CGN: variants seen among roughly 807,000 people sequenced by gnomAD.
CGN encodes cingulin.
In CGN, 121 loss-of-function variants were observed where a neutral mutation model predicts 157.1. The observed-to-expected ratio is 0.77, with a 90% CI of 0.66 to 0.90. The LOEUF (loss-of-function observed/expected upper bound fraction) is 0.90, where lower values mean the gene tolerates loss of function less well. Ranked by LOEUF, CGN falls within the 40% of genes least tolerant of loss-of-function variation. CGN has a pLI of 0.00. For missense variants in CGN, 1,424 were observed against 1,520.9 expected, an observed-to-expected ratio of 0.94 and a Z score of 1.06; for synonymous variants, 535 against 607.5, an observed-to-expected ratio of 0.88 and a Z score of 1.76.
In CGN at chr1:151,511,920, G is replaced by T. The variant is rs1425127369; in HGVS notation, c.-15+405G>T. On this transcript the variant is annotated intron_variant, in intron 1 of 20. Coordinates refer to ENST00000271636, the MANE Select transcript of CGN (RefSeq NM_020770.3). This position sits in a 1 kb window ranked among gnomAD's most constrained non-coding sequence, Gnocchi z 4.8. ...CCTGAGGTGCAGACTCGCCAGGGGAGGGCATCTGCAGGTGCTGCTCGCCTG... is the reference window on the plus strand; with the variant it reads ...CCTGAGGTGCAGACTCGCCAGGGGATGGCATCTGCAGGTGCTGCTCGCCTG... Among the ~76,000 whole-genome samples the T allele has an allele frequency of 3.9e-5, 6 of 152,178 alleles. No individual in the cohort carries two copies.
At position 151,532,440 on chromosome 1, in the gene CGN, G is replaced by C; in HGVS notation, c.2610G>C (p.Gln870His). The C allele has an allele frequency of 1.9e-6, 3 of 1,594,742 alleles. No individual in the cohort carries two copies. Among genetic ancestry groups the C allele is most frequent in the Non-Finnish European group, 2.6e-6 (3 of 1,173,696 alleles). The change falls in exon 14 of 21, where the codon CAG becomes CAC. Residue 870 changes from glutamine (Q) to histidine (H), a missense_variant. Physicochemically the swap from Gln to His is conservative, Grantham distance 24. Transcript: ENST00000271636. ...KIGEDSKQAL[Q>H]QLQAQLEDYK... The stretch of plus-strand genomic sequence containing the variant: ...GGGAGGACTCTAAGCAAGCCCTGCA[G>C]CAGCTCCAGGCCCAGCTGGAGGATT...
intron 9 of CGN, 116 bp from the exon 10 acceptor site, chr1:151,526,859 T>G (rs1664692397): frequency 1.8e-6 from 2 of 1,114,484 alleles, no homozygotes; most frequent in Middle Eastern, 2.5e-4. Flanking sequence ...CTCTTGAGAG[T>G]TGGTGCCCAG....
At chr1:151,527,946 ATATATTT>A in intron 10 of CGN, 2 of 128,814 alleles carry the variant, frequency 1.6e-5, no homozygotes, top group South Asian at 2.5e-4. Context: ...ATATATATAT[ATATATTT>A]TTTTTTTTTT....
At chr1:151,530,460 C>T (rs1664807516) in intron 12 of CGN, 29 bp from the exon 13 acceptor site, 23 of 1,519,568 alleles carry the variant, frequency 1.5e-5, no homozygotes, top group Non-Finnish European at 1.9e-5. Flanking sequence ...TACCTTTTCT[C>T]AGTCCAACCC....
chr1:151,517,680 T>G (rs1664444575), intron 1 of CGN, among the ~76,000 whole-genome samples: 1 of 151,820 alleles, frequency 6.6e-6, no homozygotes, highest in Non-Finnish European at 1.5e-5. Context: ...CTAGCTAAGT[T>G]TTTGTATTAT....
chr1:151,528,006 A>AATGCAGTG (rs1664733445), intron 10 of CGN: 1 of 150,726 alleles, frequency 6.6e-6, no homozygotes, highest in Admixed American at 9.0e-5. Flanking sequence ...CCCAGGGTGG[A>AATGCAGTG]ATGCAGTGGC....
rs1239426138 is a variant in CGN at position 151,518,899 on chromosome 1, A to C, written c.380A>C (p.Tyr127Ser). The C allele has an allele frequency of 2.6e-5, 42 of 1,614,062 alleles. No homozygotes were observed. Among genetic ancestry groups the C allele is most frequent in the Non-Finnish European group, 3.6e-5 (42 of 1,179,982 alleles). ...ACATCTGATGAGGAGCCTGGGGCCT[A>C]CTGGAATGGAAAGCTACTCCGTTCC... ...SSTSDEEPGA[Y>S]WNGKLLRSHS... Residue 127 changes from tyrosine (Y) to serine (S), a missense_variant, in exon 2 of 21, where the codon TAC becomes TCC. Physicochemically the swap from Tyr to Ser is moderately radical, Grantham distance 144. Coordinates refer to ENST00000271636, the MANE Select transcript of CGN (RefSeq NM_020770.3).
intron 12 of CGN, 134 bp downstream of exon 12, chr1:151,530,249 T>C (rs1664803532): frequency 3.8e-6 from 4 of 1,057,100 alleles, no homozygotes; most frequent in Non-Finnish European, 4.1e-6. Context: ...TCTGTTAACC[T>C]TGGGTTTATT....
intron 1 of CGN, among the ~76,000 whole-genome samples, chr1:151,517,044 G>A (rs1023022362): frequency 9.9e-5 from 15 of 151,822 alleles, no homozygotes; most frequent in Admixed American, 9.8e-4. Context: ...TGTAATCCCA[G>A]CTACTCGGGA....
chr1:151,520,118 ATTTCTTTC>A (rs529199632), intron 2 of CGN, 40 bp from the exon 3 acceptor site: 3 of 1,423,600 alleles, frequency 2.1e-6, no homozygotes, highest in East Asian at 2.4e-5. Flanking sequence ...TAATCTTCCT[ATTTCTTTC>A]TTTCTTTCTT....
In CGN at chr1:151,518,821, C is replaced by T. The variant is rs764767311; in HGVS notation, c.302C>T (p.Pro101Leu). ...SGALSSDLELPENPYSQVKGF... is the reference protein window; with the variant it reads ...SGALSSDLELLENPYSQVKGF... Reference sequence around the variant, plus strand: ...GCTCTGAGCTCAGATTTGGAACTCCCTGAGAACCCCTACTCTCAGGTCAAG... The same window carrying T: ...GCTCTGAGCTCAGATTTGGAACTCCTTGAGAACCCCTACTCTCAGGTCAAG... The change falls in exon 2 of 21, where the codon CCT becomes CTT. Residue 101 changes from proline (P) to leucine (L), a missense_variant. Coordinates refer to ENST00000271636, the MANE Select transcript of CGN (RefSeq NM_020770.3). The T allele has an allele frequency of 1.9e-6, 3 of 1,614,014 alleles. No homozygotes were observed. Among genetic ancestry groups the T allele is most frequent in the Non-Finnish European group, 1.7e-6 (2 of 1,179,942 alleles).
At chr1:151,519,840 ATTAT>A (rs972476777) in intron 2 of CGN, among the ~76,000 whole-genome samples, 1 of 152,244 alleles carries the variant, frequency 6.6e-6, no homozygotes, top group Non-Finnish European at 1.5e-5. Context: ...TTAAAAGTAA[ATTAT>A]TTATAAACTC....
chr1:151,517,746 A>G (rs1238089143), intron 1 of CGN, among the ~76,000 whole-genome samples: 4 of 152,234 alleles, frequency 2.6e-5, no homozygotes, highest in Non-Finnish European at 4.4e-5. Context: ...TCCTGACCTC[A>G]GGTGATCCAC....
At chr1:151,527,251 T>C in intron 10 of CGN, 144 bp downstream of exon 10, 1 of 856,424 alleles carries the variant, frequency 1.2e-6, no homozygotes, top group Non-Finnish European at 1.9e-6. Context: ...TTGATCTCTT[T>C]CCAGCACAGC....
chr1:151,525,745 G>A lies in CGN; in HGVS notation c.1718G>A (p.Ser573Asn), dbSNP rs769255175. 3 of 1,610,214 alleles carry A rather than the reference G, an allele frequency of 1.9e-6. No individual in the cohort carries two copies. The highest frequency in any genetic ancestry group is 1.7e-6 in the Non-Finnish European group (2 of 1,178,020). Residue 573 changes from serine (S) to asparagine (N), a missense_variant, in exon 9 of 21, where the codon AGT (serine) becomes AAT (asparagine). Physicochemically the swap from Ser to Asn is conservative, Grantham distance 46. This residue lies in a region of CGN where 1,187 missense variants were observed against 1,217.6 expected (regional missense o/e 0.97). Transcript: ENST00000271636. ...TCAGAGGAGACAGGGCATTGGCAGA[G>A]TATGTTCCAGAAGAACAAGGAGGAT... is the stretch of plus-strand genomic sequence containing the variant. Reference protein sequence around the residue: ...ETSEETGHWQSMFQKNKEDLR... With the variant: ...ETSEETGHWQNMFQKNKEDLR...
At position 151,535,672 on chromosome 1, in the gene CGN, T is replaced by C. The variant is rs562479310; in HGVS notation, c.3067T>C (p.Leu1023=). Reference sequence around the variant, plus strand: ...GGACCTGGAGTGTGACAAAATCTCCTTGGAGAGACAGGTGATGGGGGAGGG... The same window carrying C: ...GGACCTGGAGTGTGACAAAATCTCCCTGGAGAGACAGGTGATGGGGGAGGG... ...RQDLECDKIS[L]ERQNKDLKTR... Residue 1023 remains leucine (L), a synonymous_variant, in exon 17 of 21, where the codon TTG becomes CTG. Transcript: ENST00000271636. 39 of 1,613,928 alleles carry C rather than the reference T, an allele frequency of 2.4e-5. No homozygotes were observed. The East Asian group carries it at 6.9e-4, about 29-fold the overall frequency.
chr1:151,537,093 G>C (rs79069572), intron 20 of CGN, 112 bp from the exon 21 acceptor site: 1 of 1,329,036 alleles, frequency 7.5e-7, no homozygotes, highest in Non-Finnish European at 1.0e-6. Flanking sequence ...TGGGGATTTT[G>C]TGAATAAACT....
chr1:151,518,094 G>C (rs981473643), intron 1 of CGN, among the ~76,000 whole-genome samples: 1 of 152,136 alleles, frequency 6.6e-6, no homozygotes, highest in Non-Finnish European at 1.5e-5. Context: ...CAGTCCACCC[G>C]CCTTGGCCTT....
intron 19 of CGN, 26 bp from the exon 20 acceptor site, chr1:151,536,704 A>T: frequency 6.2e-7 from 1 of 1,612,498 alleles, no homozygotes; most frequent in Admixed American, 1.7e-5. Context: ...TGCTATTCAG[A>T]TGTGTGGACT....
Sources: gnomAD v4.1 joint callset for allele counts (sites outside exome capture counted in the v4.1 genomes callset) on GRCh38, gnomAD v4.1.1 for gene constraint, gnomAD v4.1.1 regional missense constraint, Gnocchi (gnomAD v3.1) non-coding constraint, MANE v1.5 for transcripts, NCBI Gene and HGNC (gene_info 2026-07-23, HGNC 2026-07-21) for gene names.